The following NRG2 variants were observed in gnomAD, a reference collection of about 807,000 sequenced individuals.
NRG2 encodes neuregulin 2.
In NRG2, 27 loss-of-function variants were observed where a neutral mutation model predicts 73.9. The observed-to-expected ratio is 0.37, with a 90% confidence interval of 0.27 to 0.50. The LOEUF is 0.50. Ranked by LOEUF, NRG2 falls within the 20% of genes least tolerant of loss-of-function variation. The probability of loss-of-function intolerance (pLI) is 0.96; values close to 1 mark genes in which losing one functional copy is unlikely to be tolerated. For synonymous variants in NRG2, 532 were observed against 541.0 expected (o/e 0.98, Z 0.23); for missense variants, 1,126 against 1,210.1 (o/e 0.93, Z 1.03).
intron 1 of NRG2, among the ~76,000 whole-genome samples, chr5:139,897,231 T>G (rs182259307): frequency 6.6e-6 from 1 of 152,342 alleles, no homozygotes. Flanking sequence ...CTAGGCAAGT[T>G]ACTTAAACTC....
chr5:139,897,158 A>G (rs1434650089), intron 1 of NRG2, among the ~76,000 whole-genome samples: 1 of 152,214 alleles, frequency 6.6e-6, no homozygotes, highest in Non-Finnish European at 1.5e-5. Flanking sequence ...AGGGTCAGAC[A>G]TGCAAGCTGT....
intron 1 of NRG2, among the ~76,000 whole-genome samples, chr5:139,892,381 C>T (rs1764269907): frequency 6.6e-6 from 1 of 152,182 alleles, no homozygotes; most frequent in South Asian, 2.1e-4. Flanking sequence ...ATGTTAAGCT[C>T]ATTCTTATCC....
chr5:139,948,601 T>C (rs1186147077), intron 1 of NRG2, among the ~76,000 whole-genome samples: 2 of 152,232 alleles, frequency 1.3e-5, no homozygotes. Context: ...TTGTATCTAA[T>C]CCTCATTGCA....
Position 139,855,882 on chromosome 5 carries a change from T to C in NRG2, c.1190-104A>G. The stretch of plus-strand genomic sequence containing the variant: ...CCCAAAGCCATAGGCTCTCCCCAGC[T>C]CAGGTCCTGCCCAGCTCCTTTCCAT... On this transcript the variant is annotated intron_variant, in intron 5 of 9. Coordinates refer to ENST00000361474, the MANE Select transcript of NRG2 (RefSeq NM_004883.3). The C allele has an allele frequency of 1.7e-5, 14 of 822,722 alleles. No homozygotes were observed. The South Asian group carries it at 2.0e-4, about 12-fold the overall frequency. 51.0% of individuals were successfully genotyped at this position (822,722 alleles called of 1,614,324 possible). A position where few individuals can be genotyped will look rare whatever the true frequency, so the allele number is the denominator to read the frequency against.
intron 3 of NRG2, among the ~76,000 whole-genome samples, chr5:139,877,673 G>T (rs1763268449): frequency 6.6e-6 from 1 of 152,250 alleles, no homozygotes; most frequent in Admixed American, 6.5e-5. Context: ...AAGTGGTGTG[G>T]TATGTGTTTG....
In NRG2 at chr5:140,043,042, G is replaced by A; in HGVS notation, c.28C>T (p.Pro10Ser). 1 of 1,534,620 alleles carries A rather than the reference G, an allele frequency of 6.5e-7. No individual in the cohort carries two copies. Residue 10 changes from proline (P) to serine (S), a missense_variant, in exon 1 of 10, where the codon CCG becomes TCG. Pro to Ser is a moderately conservative substitution (Grantham distance 74, BLOSUM62 -1). This residue lies in a region of NRG2 where 185 missense variants were observed against 149.0 expected (regional missense o/e 1.24). Coordinates refer to ENST00000361474, the MANE Select transcript of NRG2 (RefSeq NM_004883.3). This position sits in a 1 kb window ranked among gnomAD's most constrained non-coding sequence, Gnocchi z 6.7. Reference protein sequence around the residue: MRQVCCSALPPPPLEKGRCS... With the variant: MRQVCCSALSPPPLEKGRCS... ...CGACCCTTCTCCAGTGGCGGCGGCGGCAGCGCTGAGCAGCAAACCTGCCGC... is the reference window on the plus strand; with the variant it reads ...CGACCCTTCTCCAGTGGCGGCGGCGACAGCGCTGAGCAGCAAACCTGCCGC...
rs972153397 is a variant in NRG2 at position 139,973,233 on chromosome 5, C to T, written c.700+69137G>A. ...AAAAAATTAAAAATAAACTAAATTT[C>T]TAATAATAAATAATTGATAAAATAA... On this transcript the variant is annotated intron_variant, in intron 1 of 9. Coordinates refer to ENST00000361474, the MANE Select transcript of NRG2 (RefSeq NM_004883.3). 4.1e-5 allele frequency among the ~76,000 whole-genome samples: 6 copies of T among 147,670 alleles called. No homozygotes were observed. The Middle Eastern group carries it at 0.015, about 362-fold the overall frequency.
chr5:139,928,189 G>A (rs1425834454), intron 1 of NRG2, among the ~76,000 whole-genome samples: 1 of 152,164 alleles, frequency 6.6e-6, no homozygotes, highest in East Asian at 1.9e-4. Context: ...GAGAACAAGT[G>A]AGCATGAATG....
intron 3 of NRG2, among the ~76,000 whole-genome samples, chr5:139,878,241 G>A (rs769898829): frequency 5.3e-5 from 8 of 152,246 alleles, no homozygotes; most frequent in Non-Finnish European, 1.0e-4. Flanking sequence ...CTGCCTCTCA[G>A]TAGCCCCTGT....
chr5:139,992,894 A>G (rs746916224), intron 1 of NRG2, among the ~76,000 whole-genome samples: 61 of 151,950 alleles, frequency 4.0e-4, no homozygotes, highest in Non-Finnish European at 7.1e-4. Context: ...TCACCCAGCC[A>G]TGAATCTTAA....
chr5:139,937,990 G>A (rs1408655765), intron 1 of NRG2, among the ~76,000 whole-genome samples: 1 of 152,178 alleles, frequency 6.6e-6, no homozygotes, highest in Non-Finnish European at 1.5e-5. Context: ...AAGGCAGGAG[G>A]ATTGCTTGAG....
chr5:139,898,616 T>C (rs966654069), intron 1 of NRG2, among the ~76,000 whole-genome samples: 1 of 152,224 alleles, frequency 6.6e-6, no homozygotes, highest in Non-Finnish European at 1.5e-5. Context: ...CATCACCACA[T>C]GCACATTCTG....
chr5:139,997,978 C>T (rs752840873), intron 1 of NRG2, among the ~76,000 whole-genome samples: 5 of 152,322 alleles, frequency 3.3e-5, no homozygotes, highest in Non-Finnish European at 7.3e-5. Flanking sequence ...GACCTGGGCT[C>T]AGAGGAGTGG....
At chr5:139,944,407 T>C (rs1753646784) in intron 1 of NRG2, among the ~76,000 whole-genome samples, 1 of 152,184 alleles carries the variant, frequency 6.6e-6, no homozygotes, top group Non-Finnish European at 1.5e-5. Context: ...CTATCCTTCC[T>C]TCCCTATACT....
intron 1 of NRG2, among the ~76,000 whole-genome samples, chr5:139,935,920 C>A (rs1279611202): frequency 6.8e-6 from 1 of 147,844 alleles, no homozygotes; most frequent in African/African-American, 2.5e-5. Context: ...GACTGCACCA[C>A]TGCACTTCAG....
intron 1 of NRG2, among the ~76,000 whole-genome samples, chr5:140,000,077 C>T (rs942291381): frequency 3.3e-5 from 5 of 152,290 alleles, no homozygotes; most frequent in African/African-American, 1.2e-4. Context: ...ACATTTGTCT[C>T]TTCTACACTA....
Position 139,865,662 on chromosome 5 carries a change from T to A in NRG2, c.1113-37A>T. 3 of 1,549,206 alleles carry A rather than the reference T, an allele frequency of 1.9e-6. No individual in the cohort carries two copies. Among genetic ancestry groups the A allele is most frequent in the Non-Finnish European group, 2.6e-6 (3 of 1,133,310 alleles). ...AAAGGGGAAAAATCACAGAACAAAC[T>A]GGCATCATCCGCGAGGCTAAGGTTA... On this transcript the variant is annotated intron_variant, in intron 4 of 9. Coordinates refer to ENST00000361474, the MANE Select transcript of NRG2 (RefSeq NM_004883.3). The surrounding 1 kb of genome is among the most constrained non-coding windows in gnomAD (Gnocchi z 5.2).
At chr5:140,001,835 C>A (rs1046315298) in intron 1 of NRG2, among the ~76,000 whole-genome samples, 2 of 152,044 alleles carry the variant, frequency 1.3e-5, no homozygotes, top group Non-Finnish European at 2.9e-5. Flanking sequence ...TGCACTCCAA[C>A]CTTGGTGACA....
intron 1 of NRG2, among the ~76,000 whole-genome samples, chr5:139,985,587 G>A (rs1757112538): frequency 6.6e-6 from 1 of 152,124 alleles, no homozygotes; most frequent in African/African-American, 2.4e-5. Flanking sequence ...TCTGATGAAA[G>A]CTATAGACCT....
Sources: gnomAD v4.1 joint callset for allele counts (sites outside exome capture counted in the v4.1 genomes callset) on GRCh38, gnomAD v4.1.1 for gene constraint, gnomAD v4.1.1 regional missense constraint, Gnocchi (gnomAD v3.1) non-coding constraint, MANE v1.5 for transcripts, NCBI Gene and HGNC (gene_info 2026-07-23, HGNC 2026-07-21) for gene names.